Variants in MYH10 observed in about 807,000 individuals in gnomAD.
MYH10 encodes the protein myosin-10.
A neutral mutation model predicts 257.8 loss-of-function variants in MYH10; 55 were observed. The ratio of observed to expected loss-of-function variants is 0.21; its 90% CI spans 0.17 to 0.27. MYH10 has a LOEUF of 0.27. Among genes scored for constraint, MYH10 ranks in the 10% least tolerant of loss-of-function variants. The pLI, the probability that MYH10 is intolerant of heterozygous loss-of-function variation, is 1.00. For missense variants in MYH10, 1,631 were observed against 2,500.6 expected (o/e 0.65, Z 7.42); for synonymous variants, 854 against 921.7 (o/e 0.93, Z 1.33).
chr17:8,497,008 C>T (rs903725704), intron 30 of MYH10, among the ~76,000 whole-genome samples: 1 of 152,180 alleles, frequency 6.6e-6, no homozygotes, highest in Admixed American at 6.5e-5. Context: ...AAACATTTCA[C>T]GCATGCTGTC....
At chr17:8,604,706 CTTT>C (rs1182374627) in intron 3 of MYH10, 117 bp downstream of exon 3, 9 of 731,406 alleles carry the variant, frequency 1.2e-5, no homozygotes, top group South Asian at 6.3e-5. Flanking sequence ...ATAAACATTA[CTTT>C]TTTATTAATT....
At position 8,480,920 on chromosome 17, in the gene MYH10, G is replaced by A. The variant is rs138510709; in HGVS notation, c.5265-395C>T. On this transcript the variant is annotated intron_variant, in intron 38 of 42. Coordinates refer to ENST00000360416, the MANE Select transcript of MYH10 (RefSeq NM_001256012.3). The stretch of plus-strand genomic sequence containing the variant: ...GAATCAAATTCTAACTACTCATGAT[G>A]GCATGCTCAAAAAGGCGCATGATGG... Among the ~76,000 whole-genome samples, 160 of 152,364 alleles carry A rather than the reference G, an allele frequency of 1.1e-3. 1 individual carries two copies. Among genetic ancestry groups the A allele is most frequent in the South Asian group, 1.7e-3 (8 of 4,832 alleles).
intron 21 of MYH10, among the ~76,000 whole-genome samples, chr17:8,514,434 C>T (rs1049313139): frequency 2.6e-5 from 4 of 152,088 alleles, no homozygotes; most frequent in Non-Finnish European, 5.9e-5. Context: ...ATTTACGGCC[C>T]GGCCTCCTCC....
intron 17 of MYH10, 178 bp from the exon 18 acceptor site, chr17:8,521,463 C>T (rs189991555): frequency 3.2e-6 from 2 of 628,376 alleles, no homozygotes; most frequent in East Asian, 2.7e-5. Flanking sequence ...AACAGCCACA[C>T]ACTTATATGG....
At chr17:8,530,330 C>T (rs2081972347) in intron 17 of MYH10, among the ~76,000 whole-genome samples, 2 of 152,124 alleles carry the variant, frequency 1.3e-5, no homozygotes, top group South Asian at 2.1e-4. Context: ...TAGTGGCATA[C>T]CTTTTAATAT....
chr17:8,614,699 A>T (rs2085186713), intron 2 of MYH10, among the ~76,000 whole-genome samples: 1 of 152,192 alleles, frequency 6.6e-6, no homozygotes, highest in Admixed American at 6.5e-5. Context: ...AAAATGCAAC[A>T]TATTAAAACT....
intron 3 of MYH10, among the ~76,000 whole-genome samples, chr17:8,598,692 A>G (rs2084478858): frequency 6.7e-6 from 1 of 149,328 alleles, no homozygotes; most frequent in Non-Finnish European, 1.5e-5. Flanking sequence ...CAAAATTTTT[A>G]TATGTAGCAT....
chr17:8,502,242 G>C (rs1234592820), intron 28 of MYH10, among the ~76,000 whole-genome samples: 1 of 152,068 alleles, frequency 6.6e-6, no homozygotes, highest in East Asian at 1.9e-4. Flanking sequence ...AGATCCCTGT[G>C]CCAAGAGAAC....
chr17:8,496,315 T>C (rs1209927324), intron 30 of MYH10, among the ~76,000 whole-genome samples: 1 of 152,208 alleles, frequency 6.6e-6, no homozygotes, highest in Non-Finnish European at 1.5e-5. Context: ...CTGTAACGCT[T>C]CCATGGTCAC....
At position 8,513,927 on chromosome 17, in the gene MYH10, A is replaced by C. The variant is rs201336681; in HGVS notation, c.2505-33T>G. ...ACAATAAGAAAAACTTATGATGTAA[A>C]GAAAAAAGTGCTTGAATGGCTGTTG... On this transcript the variant is annotated intron_variant, in intron 21 of 42. Transcript: ENST00000360416. The C allele has an allele frequency of 2.1e-4, 338 of 1,580,270 alleles. 3 individuals carry two copies. The Middle Eastern group carries it at 2.8e-3, about 13-fold the overall frequency.
chr17:8,553,741 A>C (rs1247560865), intron 8 of MYH10, among the ~76,000 whole-genome samples: 1 of 152,220 alleles, frequency 6.6e-6, no homozygotes, highest in African/African-American at 2.4e-5. Context: ...CCACTTCCCC[A>C]GCCATGTGAA....
intron 3 of MYH10, among the ~76,000 whole-genome samples, chr17:8,592,933 CTATATATATATATA>C (rs71159601): frequency 0.021 from 928 of 44,746 alleles, 97 homozygotes; most frequent in African/African-American, 0.052. Flanking sequence ...TCAAATCCAG[CTATATATATATATA>C]TATATATATA....
chr17:8,529,205 A>G (rs1330293557), intron 17 of MYH10, among the ~76,000 whole-genome samples: 1 of 152,162 alleles, frequency 6.6e-6, no homozygotes, highest in East Asian at 1.9e-4. Flanking sequence ...GGGGCTGAAA[A>G]TGGGTGTGGG....
chr17:8,624,433 T>C (rs1212838686), intron 1 of MYH10, among the ~76,000 whole-genome samples: 2 of 152,232 alleles, frequency 1.3e-5, no homozygotes, highest in African/African-American at 4.8e-5. Flanking sequence ...TTCATAGGCA[T>C]GGCTTCCATC....
intron 3 of MYH10, among the ~76,000 whole-genome samples, chr17:8,604,499 T>C (rs1433341252): frequency 6.6e-6 from 1 of 152,198 alleles, no homozygotes; most frequent in Non-Finnish European, 1.5e-5. Flanking sequence ...CTATTATTCT[T>C]CCTATTGGTT....
chr17:8,623,403 C>T (rs766676747), intron 1 of MYH10, 126 bp from the exon 2 acceptor site: 8 of 875,296 alleles, frequency 9.1e-6, no homozygotes, highest in Non-Finnish European at 1.3e-5. Flanking sequence ...CTGGGGTATA[C>T]CTCTTCACAG....
chr17:8,512,740 G>A (rs1251256038), intron 23 of MYH10, 83 bp from the exon 24 acceptor site: 2 of 1,066,100 alleles, frequency 1.9e-6, no homozygotes, highest in Non-Finnish European at 1.3e-6. Context: ...AATGGTCAAT[G>A]CACATCAAAG....
intron 1 of MYH10, among the ~76,000 whole-genome samples, chr17:8,624,916 G>A (rs911963810): frequency 5.3e-5 from 8 of 152,174 alleles, no homozygotes; most frequent in African/African-American, 1.4e-4. Flanking sequence ...TTAGCCAGGC[G>A]TGTTGGTGCA....
intron 40 of MYH10, among the ~76,000 whole-genome samples, chr17:8,479,197 C>T (rs1443307259): frequency 6.6e-6 from 1 of 152,054 alleles, no homozygotes; most frequent in Admixed American, 6.5e-5. Context: ...TACTAATTAC[C>T]TATTGTGATG....
Sources: allele counts gnomAD v4.1 joint callset (sites outside exome capture counted in the v4.1 genomes callset), GRCh38; gene constraint gnomAD v4.1.1; transcripts MANE v1.5; gene names NCBI Gene and HGNC (gene_info 2026-07-23, HGNC 2026-07-21).